The following REPS1 variants were observed in gnomAD, a reference collection of about 807,000 sequenced individuals.
REPS1 encodes RALBP1 associated Eps domain containing 1, also known as ralBP1-associated Eps domain-containing protein 1.
A neutral mutation model predicts 100.9 loss-of-function variants in REPS1; 39 were observed. The ratio of observed to expected loss-of-function variants is 0.39; its 90% confidence interval spans 0.30 to 0.50. The LOEUF (loss-of-function observed/expected upper bound fraction) is 0.50, where lower values mean the gene tolerates loss of function less well. Ranked by LOEUF, REPS1 falls within the 20% of genes least tolerant of loss-of-function variation. The probability of loss-of-function intolerance (pLI) is 0.86; values close to 1 mark genes in which losing one functional copy is unlikely to be tolerated. For synonymous variants in REPS1, 324 were observed against 340.3 expected (o/e 0.95, Z 0.53); for missense variants, 821 against 968.5 (o/e 0.85, Z 2.02).
intron 7 of REPS1, 125 bp from the exon 8 acceptor site, chr6:138,941,614 T>C: frequency 1.1e-6 from 1 of 902,326 alleles, no homozygotes; most frequent in Admixed American, 2.4e-5. Context: ...AAAAATCCCA[T>C]ACACAGAAAG....
intron 1 of REPS1, among the ~76,000 whole-genome samples, chr6:138,970,221 C>T (rs1378447699): frequency 6.6e-6 from 1 of 151,606 alleles, no homozygotes; most frequent in Admixed American, 6.6e-5. Flanking sequence ...TTGGCTAAGT[C>T]CTTTCAAAGA....
In REPS1 at chr6:138,987,758, G is replaced by C; in HGVS notation, c.-76C>G. The C allele has an allele frequency of 7.1e-7, 1 of 1,409,610 alleles. No individual in the cohort carries two copies. The highest frequency in any genetic ancestry group is 9.3e-7 in the Non-Finnish European group (1 of 1,079,630). The allele number at this position is 1,409,610 out of a possible 1,614,324, so 87.3% of individuals were successfully genotyped here. A position where few individuals can be genotyped will look rare whatever the true frequency, so the allele number is the denominator to read the frequency against. ...CGGCCCCAGGAACCTGGGCCGGCAGGGGCTGCGCGTGGCCCGGCCTCCTGC... is the reference window on the plus strand; with the variant it reads ...CGGCCCCAGGAACCTGGGCCGGCAGCGGCTGCGCGTGGCCCGGCCTCCTGC... On this transcript the variant is annotated 5_prime_UTR_variant, in exon 1 of 20. Coordinates refer to ENST00000450536, the MANE Select transcript of REPS1 (RefSeq NM_001286611.2).
Position 138,988,006 on chromosome 6 carries a change from GGCACT to G in REPS1, c.-329_-325del, listed in dbSNP as rs1785381131. 1 of 395,312 alleles carries G rather than the reference GGCACT, an allele frequency of 2.5e-6. No homozygotes were observed. Among genetic ancestry groups the G allele is most frequent in the African/African-American group, 2.1e-5 (1 of 48,292 alleles). 24.5% of individuals were successfully genotyped at this position (395,312 alleles called of 1,614,324 possible). On this transcript the variant is annotated 5_prime_UTR_variant, in exon 1 of 20. Transcript: ENST00000450536. ...AGAGGCGGGGGCCGCGGAGGCGCGA[GGCACT>G]GGCGGACTCCGCCCCCGCCGCGGGT... is the stretch of plus-strand genomic sequence containing the variant.
intron 19 of REPS1, 100 bp downstream of exon 19, chr6:138,907,395 A>AC (rs1779732205): frequency 1.3e-6 from 1 of 753,116 alleles, no homozygotes; most frequent in Non-Finnish European, 2.2e-6. Context: ...AGAGAAGAGA[A>AC]CCATATATGT....
In REPS1 at chr6:138,945,565, C is replaced by G; in HGVS notation, c.410G>C (p.Gly137Ala). 6.2e-7 allele frequency: 1 copy of G among 1,612,806 alleles called. No individual in the cohort carries two copies. Among genetic ancestry groups the G allele is most frequent in the Non-Finnish European group, 8.5e-7 (1 of 1,179,664 alleles). Residue 137 changes from glycine to alanine, a missense_variant, in exon 3 of 20, where the codon GGG becomes GCG. Gly to Ala is a moderately conservative substitution (Grantham distance 60, BLOSUM62 0). This residue lies in a region of REPS1 where 757 missense variants were observed against 866.4 expected (regional missense o/e 0.87). Coordinates refer to ENST00000450536, the MANE Select transcript of REPS1 (RefSeq NM_001286611.2). ...GCTTACGGATCCCTTTTTCACTTGC[C>G]CCCTGCCAGGTGGTGGGGGAATTAC... ...SGVIPPPPGRGQVKKGSVSHD... is the reference protein window; with the variant it reads ...SGVIPPPPGRAQVKKGSVSHD...
Position 138,987,559 on chromosome 6 carries a change from C to T in REPS1, c.124G>A (p.Ala42Thr). The change falls in exon 1 of 20, where the codon GCG (alanine) becomes ACG (threonine). Residue 42 changes from alanine to threonine, a missense_variant. This residue lies in a region of REPS1 where 28 missense variants were observed against 65.3 expected (regional missense o/e 0.43). Coordinates refer to ENST00000450536, the MANE Select transcript of REPS1 (RefSeq NM_001286611.2). ...AGGACCACGTCGTTCGGCAGCTGCG[C>T]GGCCCGGAACAGCTCCAGCACCCGC... ...NGRVLELFRA[A>T]QLPNDVVLQI... 6.5e-7 allele frequency: 1 copy of T among 1,550,054 alleles called. No homozygotes were observed. The highest frequency in any genetic ancestry group is 8.7e-7 in the Non-Finnish European group (1 of 1,146,394).
intron 1 of REPS1, among the ~76,000 whole-genome samples, chr6:138,981,077 AAGG>A (rs1362264489): frequency 1.4e-4 from 22 of 152,338 alleles, no homozygotes; most frequent in African/African-American, 5.3e-4. Flanking sequence ...CAATTAGGGG[AAGG>A]CTGGAAATCA....
intron 8 of REPS1, 73 bp downstream of exon 8, chr6:138,941,262 T>C (rs1267612378): frequency 6.6e-7 from 1 of 1,509,634 alleles, no homozygotes; most frequent in East Asian, 2.3e-5. Flanking sequence ...ACCTCTATCT[T>C]GATTTTTCTT....
At chr6:138,907,028 G>A (rs142546503) in intron 19 of REPS1, among the ~76,000 whole-genome samples, 6 of 152,260 alleles carry the variant, frequency 3.9e-5, no homozygotes, top group Admixed American at 3.9e-4. Context: ...GGTATTAGGT[G>A]ACAGTATACA....
chr6:138,957,450 G>A (rs1372118947), intron 1 of REPS1, among the ~76,000 whole-genome samples: 2 of 152,168 alleles, frequency 1.3e-5, no homozygotes, highest in South Asian at 2.1e-4. Context: ...TCAAGATCAT[G>A]GAAAGAATGG....
chr6:138,958,425 T>C lies in REPS1; in HGVS notation c.154-10512A>G, dbSNP rs11965483. Among the ~76,000 whole-genome samples the C allele has an allele frequency of 3.0e-3, 456 of 152,314 alleles. 3 individuals are homozygous for C. Among genetic ancestry groups the C allele is most frequent in the African/African-American group, 0.011 (441 of 41,560 alleles). ...AGGATACATGGCAGAACGTGCAGGTTTGTCACATAGGTATATGTGTGCCAT... is the reference window on the plus strand; with the variant it reads ...AGGATACATGGCAGAACGTGCAGGTCTGTCACATAGGTATATGTGTGCCAT... On this transcript the variant is annotated intron_variant, in intron 1 of 19. Coordinates refer to ENST00000450536, the MANE Select transcript of REPS1 (RefSeq NM_001286611.2).
intron 8 of REPS1, among the ~76,000 whole-genome samples, chr6:138,940,574 A>C (rs113946892): frequency 3.3e-5 from 5 of 151,686 alleles, no homozygotes; most frequent in Non-Finnish European, 5.9e-5. Context: ...GTGAAACCCT[A>C]TCTCTACTAA....
chr6:138,952,390 A>AT lies in REPS1; in HGVS notation c.154-4478dup, dbSNP rs146276457. 1.2e-4 allele frequency among the ~76,000 whole-genome samples: 18 copies of AT among 150,110 alleles called. No individual in the cohort carries two copies. The South Asian group carries it at 1.5e-3, about 12-fold the overall frequency. On this transcript the variant is annotated intron_variant, in intron 1 of 19. Transcript: ENST00000450536. ...AAACCAATATACAAAAATCAGTAGC[A>AT]TTTTTTTTTCTTTTTTTTTTTCCTC...
chr6:138,950,120 A>G (rs2128481844), intron 1 of REPS1, among the ~76,000 whole-genome samples: 1 of 152,306 alleles, frequency 6.6e-6, no homozygotes, highest in East Asian at 1.9e-4. Context: ...AAGTCTGACC[A>G]AACTGGAATT....
chr6:138,964,535 A>G (rs1398070315), intron 1 of REPS1, among the ~76,000 whole-genome samples: 1 of 152,086 alleles, frequency 6.6e-6, no homozygotes, highest in Admixed American at 6.6e-5. Context: ...CACACACAAA[A>G]TAAGTATGTT....
intron 10 of REPS1, among the ~76,000 whole-genome samples, chr6:138,924,937 G>T (rs887479198): frequency 6.6e-6 from 1 of 152,002 alleles, no homozygotes; most frequent in African/African-American, 2.4e-5. Flanking sequence ...CATATCAACT[G>T]GTCCTTGAAT....
chr6:138,910,021 T>G (rs886262562), intron 17 of REPS1, among the ~76,000 whole-genome samples: 2 of 152,234 alleles, frequency 1.3e-5, no homozygotes, highest in Admixed American at 6.5e-5. Flanking sequence ...TACACTGATA[T>G]AGTTTAGATA....
At chr6:138,905,646 C>G (rs982990450) in intron 19 of REPS1, among the ~76,000 whole-genome samples, 2 of 152,194 alleles carry the variant, frequency 1.3e-5, no homozygotes, top group African/African-American at 4.8e-5. Flanking sequence ...TAATTTCAAA[C>G]ATTTTCTTAT....
intron 1 of REPS1, 134 bp from the exon 2 acceptor site, chr6:138,948,047 C>A (rs1782753151): frequency 3.2e-6 from 2 of 616,758 alleles, no homozygotes; most frequent in African/African-American, 1.9e-5. Flanking sequence ...AACTGACAAC[C>A]AACTTCCTCA....
Sources: allele counts gnomAD v4.1 joint callset (sites outside exome capture counted in the v4.1 genomes callset), GRCh38; gene constraint gnomAD v4.1.1; regional missense constraint gnomAD v4.1.1; transcripts MANE v1.5; gene names NCBI Gene and HGNC (gene_info 2026-07-23, HGNC 2026-07-21).